Variants in SNW1 observed in about 807,000 individuals in gnomAD.
SNW1 encodes the protein SNW domain containing 1.
Under a neutral mutation model 75.6 loss-of-function variants are expected in SNW1, and 9 were observed. The ratio of observed to expected loss-of-function variants is 0.12; its 90% CI spans 0.07 to 0.21. The LOEUF (loss-of-function observed/expected upper bound fraction) is 0.21. SNW1 is among the 10% of genes least tolerant of loss of function. The pLI, the probability that SNW1 is intolerant of heterozygous loss-of-function variation, is 1.00. For missense variants in SNW1, 409 were observed against 670.9 expected (o/e 0.61, Z 4.31); for synonymous variants, 200 against 219.1 (o/e 0.91, Z 0.77).
intron 3 of SNW1, among the ~76,000 whole-genome samples, chr14:77,742,028 A>G (rs1169920614): frequency 1.3e-5 from 2 of 148,266 alleles, no homozygotes; most frequent in Non-Finnish European, 3.0e-5. Context: ...TAATTATAAA[A>G]CCCCCCATTT....
chr14:77,746,677 G>A (rs141993505), intron 3 of SNW1, among the ~76,000 whole-genome samples: 8 of 151,674 alleles, frequency 5.3e-5, no homozygotes, highest in Non-Finnish European at 7.4e-5. Flanking sequence ...ACCATGCCAC[G>A]GAATCCTATA....
At chr14:77,725,852 G>T (rs1595075837) in intron 10 of SNW1, among the ~76,000 whole-genome samples, 1 of 152,180 alleles carries the variant, frequency 6.6e-6, no homozygotes, top group East Asian at 1.9e-4. Flanking sequence ...AGAGGCGGAG[G>T]TTGCAGTGAG....
intron 2 of SNW1, 124 bp downstream of exon 2, chr14:77,754,843 T>C (rs1030719108): frequency 2.9e-5 from 25 of 863,234 alleles, no homozygotes; most frequent in African/African-American, 1.9e-4. Context: ...TGAGAGCACA[T>C]AACCAGAATT....
intron 2 of SNW1, 61 bp downstream of exon 2, chr14:77,754,906 T>C (rs2080832580): frequency 4.4e-6 from 6 of 1,374,774 alleles, no homozygotes; most frequent in Admixed American, 2.5e-5. Context: ...ATTTATGTTA[T>C]AGTGTGCTAT....
At chr14:77,721,714 G>A (rs1316855608) in intron 11 of SNW1, among the ~76,000 whole-genome samples, 2 of 151,988 alleles carry the variant, frequency 1.3e-5, no homozygotes, top group African/African-American at 4.8e-5. Context: ...AATACCAGCA[G>A]GAATCTTTTT....
At chr14:77,740,502 ACTCTCACT>A (rs1265334938) in intron 3 of SNW1, among the ~76,000 whole-genome samples, 1 of 151,714 alleles carries the variant, frequency 6.6e-6, no homozygotes, top group African/African-American at 2.4e-5. Context: ...TCCCCTTACA[ACTCTCACT>A]CTCTCACTCA....
At chr14:77,738,430 G>A (rs1239571224) in intron 5 of SNW1, among the ~76,000 whole-genome samples, 1 of 151,908 alleles carries the variant, frequency 6.6e-6, no homozygotes, top group Non-Finnish European at 1.5e-5. Flanking sequence ...GCATCACAGC[G>A]AGACCCTGTC....
At chr14:77,758,315 C>CAAAAAAAAAAAAAAAAAAAAAAAAAA (rs55707854) in intron 1 of SNW1, among the ~76,000 whole-genome samples, 1 of 85,836 alleles carries the variant, frequency 1.2e-5, no homozygotes, top group Non-Finnish European at 2.0e-5. Flanking sequence ...GACTCTGCCA[C>CAAAAAAAAAAAAAAAAAAAAAAAAAA]AAAAAAAAAA....
At chr14:77,724,981 T>C (rs1033888402) in intron 10 of SNW1, among the ~76,000 whole-genome samples, 2 of 152,028 alleles carry the variant, frequency 1.3e-5, no homozygotes, top group Non-Finnish European at 2.9e-5. Flanking sequence ...TGTACTAGTG[T>C]TCCCCCCCTT....
In SNW1 at chr14:77,737,195, A is replaced by C. The variant is rs116631118; in HGVS notation, c.534-120T>G. On this transcript the variant is annotated intron_variant, in intron 5 of 13. Coordinates refer to ENST00000261531, the MANE Select transcript of SNW1 (RefSeq NM_012245.3). ...AATTCCTTTCGCAAAGTATTAACAG[A>C]AAATTAACAAAATATTTAGACAAAG... is the stretch of plus-strand genomic sequence containing the variant. 2.6e-3 allele frequency: 1,699 copies of C among 643,198 alleles called. 23 individuals carry two copies. In the African/African-American group the frequency reaches 0.028, roughly 11 times the overall value. 39.8% of individuals were successfully genotyped at this position (643,198 alleles called of 1,614,324 possible). A position where few individuals can be genotyped will look rare whatever the true frequency, so the allele number is the denominator to read the frequency against.
chr14:77,733,742 C>CAAAAAAAAAAAAAAAAAAAA (rs35483765), intron 8 of SNW1, among the ~76,000 whole-genome samples: 1 of 64,850 alleles, frequency 1.5e-5, no homozygotes, highest in East Asian at 5.5e-4. Flanking sequence ...GAGACCGTCT[C>CAAAAAAAAAAAAAAAAAAAA]AAAAAAAAAA....
intron 3 of SNW1, 142 bp from the exon 4 acceptor site, chr14:77,739,203 A>G (rs1165564407): frequency 1.5e-6 from 1 of 661,622 alleles, no homozygotes; most frequent in African/African-American, 1.8e-5. Flanking sequence ...TTTTAAAACC[A>G]AGGAAGCTTA....
chr14:77,744,290 T>C (rs1291724151), intron 3 of SNW1, among the ~76,000 whole-genome samples: 1 of 151,030 alleles, frequency 6.6e-6, no homozygotes, highest in African/African-American at 2.4e-5. Flanking sequence ...CTGTTTCTAC[T>C]AAAAATACAA....
At position 77,751,341 on chromosome 14, in the gene SNW1, C is replaced by A. The variant is rs751392334; in HGVS notation, c.308G>T (p.Arg103Leu). 1 of 1,612,774 alleles carries A rather than the reference C, an allele frequency of 6.2e-7. No homozygotes were observed. The highest frequency in any genetic ancestry group is 8.5e-7 in the Non-Finnish European group (1 of 1,179,546). ...EGKIKYDAIARQGQSKDKVIY... is the reference protein window; with the variant it reads ...EGKIKYDAIALQGQSKDKVIY... ...TACCTTGTCTTTTGACTGTCCTTGT[C>A]GAGCAATTGCATCATATTTAATTTT... Residue 103 changes from arginine (R) to leucine (L), a missense_variant, in exon 3 of 14, where the codon CGA becomes CTA. Arg to Leu is a moderately radical substitution (Grantham distance 102, BLOSUM62 -2). Coordinates refer to ENST00000261531, the MANE Select transcript of SNW1 (RefSeq NM_012245.3).
rs995070282 is a variant in SNW1 at position 77,718,088 on chromosome 14, C to G, written c.1611G>C (p.Ter537TyrextTer7). ...TCATTCACTTTGGAGAGACCTGTGC[C>G]TATTCCTTCCTCCTCTTCTTGCCTT... ...EHEGKKRRKE[*>Y] The change falls in exon 14 of 14, where the codon TAG (stop) becomes TAC (tyrosine). Residue 537 changes from the stop codon to tyrosine (Y), a stop_lost. Coordinates refer to ENST00000261531, the MANE Select transcript of SNW1 (RefSeq NM_012245.3). The G allele has an allele frequency of 3.8e-6, 6 of 1,574,374 alleles. No individual in the cohort carries two copies. Among genetic ancestry groups the G allele is most frequent in the Non-Finnish European group, 5.2e-6 (6 of 1,160,902 alleles).
intron 3 of SNW1, among the ~76,000 whole-genome samples, chr14:77,744,879 T>C (rs1162419930): frequency 3.3e-5 from 5 of 152,172 alleles, no homozygotes; most frequent in Admixed American, 2.0e-4. Flanking sequence ...CTCCATGGTA[T>C]AGAGTAAATT....
At chr14:77,734,273 C>A (rs1210412363) in intron 8 of SNW1, among the ~76,000 whole-genome samples, 1 of 152,188 alleles carries the variant, frequency 6.6e-6, no homozygotes, top group South Asian at 2.1e-4. Context: ...CTTAAAGTAT[C>A]CAAGCATTTA....
chr14:77,729,278 T>C (rs772634014), intron 10 of SNW1, among the ~76,000 whole-genome samples: 9 of 152,228 alleles, frequency 5.9e-5, no homozygotes, highest in Non-Finnish European at 8.8e-5. Flanking sequence ...TCCTGAGCAA[T>C]TGGCAATTTA....
chr14:77,727,947 T>C (rs916294512), intron 10 of SNW1, among the ~76,000 whole-genome samples: 10 of 152,018 alleles, frequency 6.6e-5, no homozygotes, highest in Non-Finnish European at 1.3e-4. Context: ...TTTTTTGGAA[T>C]AGTCTGAGTA....
Sources: gnomAD v4.1 joint callset for allele counts (sites outside exome capture counted in the v4.1 genomes callset) on GRCh38, gnomAD v4.1.1 for gene constraint, MANE v1.5 for transcripts, NCBI Gene and HGNC (gene_info 2026-07-23, HGNC 2026-07-21) for gene names.